TPCN2: variants seen among roughly 807,000 people sequenced by gnomAD.
The protein encoded by TPCN2 is two pore channel protein 2.
A neutral mutation model predicts 111.4 loss-of-function variants in TPCN2; 92 were observed. The ratio of observed to expected loss-of-function variants is 0.83; its 90% CI spans 0.70 to 0.98. TPCN2 has a LOEUF of 0.98. Among genes scored for constraint, TPCN2 ranks in the 50% least tolerant of loss-of-function variants. The probability of loss-of-function intolerance (pLI) is 0.00; values close to 1 mark genes in which losing one functional copy is unlikely to be tolerated. For missense variants in TPCN2, 995 were observed against 980.1 expected (o/e 1.02, Z -0.20); for synonymous variants, 405 against 414.5 (o/e 0.98, Z 0.28).
chr11:69,076,585 TCCACCTGC>T (rs1855763351), intron 13 of TPCN2, among the ~76,000 whole-genome samples: 4 of 139,950 alleles, frequency 2.9e-5, no homozygotes, highest in Admixed American at 2.8e-4. Context: ...GCTCTGTCCC[TCCACCTGC>T]CCTCCTGCCG....
At chr11:69,079,962 G>A (rs1487918144) in intron 17 of TPCN2, 79 bp downstream of exon 17, 12 of 1,394,330 alleles carry the variant, frequency 8.6e-6, no homozygotes, top group African/African-American at 1.4e-5. Flanking sequence ...TCTCAGTGGT[G>A]TCCAGGGGGC....
rs1470892 is a variant in TPCN2 at position 69,055,271 on chromosome 11, T to C, written c.348T>C (p.Ala116=). Residue 116 remains alanine (A), a synonymous_variant, in exon 4 of 25, where the codon GCT becomes GCC. Coordinates refer to ENST00000294309, the MANE Select transcript of TPCN2 (RefSeq NM_139075.4). ...CGGCGGACGTGCGCTACCGCGCTGCTCCCTGGGAGCCGCCCTGCGGCCTGA... is the reference window on the plus strand; with the variant it reads ...CGGCGGACGTGCGCTACCGCGCTGCCCCCTGGGAGCCGCCCTGCGGCCTGA... ...TSTADVRYRA[A]PWEPPCGLTE... is the part of the protein sequence containing the mutation. The C allele has an allele frequency of 1, 1,613,625 of 1,614,162 alleles. 806,547 individuals are homozygous for C. The highest frequency in any genetic ancestry group is 1 in the Middle Eastern group (6,062 of 6,062).
At chr11:69,049,978 G>A (rs942988881) in intron 1 of TPCN2, among the ~76,000 whole-genome samples, 4 of 152,220 alleles carry the variant, frequency 2.6e-5, no homozygotes, top group Non-Finnish European at 5.9e-5. Context: ...ACCACTCTGA[G>A]AATTCACACC....
At chr11:69,063,344 T>G (rs897243296) in intron 6 of TPCN2, among the ~76,000 whole-genome samples, 4 of 151,984 alleles carry the variant, frequency 2.6e-5, no homozygotes, top group African/African-American at 9.7e-5. Context: ...ACTCATGGTG[T>G]CGGCACGCTG....
rs1409087729 is a variant in TPCN2 at position 69,057,837 on chromosome 11, TC to T, written c.546+145del. Reference sequence around the variant, plus strand: ...AGCACTGCCCACCTCCCATGGCACTTCCTTCACTTGTTGGCTGGGGATCCTT... The same window carrying T: ...AGCACTGCCCACCTCCCATGGCACTTCTTCACTTGTTGGCTGGGGATCCTT... On this transcript the variant is annotated intron_variant, in intron 5 of 24. Transcript: ENST00000294309. The T allele has an allele frequency of 8.5e-6, 6 of 705,442 alleles. No individual in the cohort carries two copies. In the Middle Eastern group the frequency reaches 9.7e-4, roughly 114 times the overall value. The allele number at this position is 705,442 out of a possible 1,614,324, so 43.7% of individuals were successfully genotyped here. A position where few individuals can be genotyped will look rare whatever the true frequency, so the allele number is the denominator to read the frequency against.
In TPCN2 at chr11:69,078,514, T is replaced by G. The variant is rs1353296977; in HGVS notation, c.1263T>G (p.Phe421Leu). 1.2e-6 allele frequency: 2 copies of G among 1,614,156 alleles called. No homozygotes were observed. The highest frequency in any genetic ancestry group is 1.7e-6 in the Non-Finnish European group (2 of 1,180,026). Residue 421 changes from phenylalanine to leucine, a missense_variant, in exon 14 of 25, where the codon TTT becomes TTG. Phe to Leu is a conservative substitution (Grantham distance 22). Transcript: ENST00000294309. ...CGAGGCCCGAGTACCAGTCTCCGTT[T>G]CTGCAGAGCGCCCAGTTCCTCTTCG... ...HPPRPEYQSP[F>L]LQSAQFLFGH...
intron 20 of TPCN2, 47 bp from the exon 21 acceptor site, chr11:69,085,624 A>T: frequency 7.7e-7 from 1 of 1,300,194 alleles, no homozygotes; most frequent in Non-Finnish European, 1.1e-6. Context: ...ATCAGGCCTC[A>T]GAACCTGGAG....
intron 24 of TPCN2, 118 bp from the exon 25 acceptor site, chr11:69,087,757 G>C (rs1856342263): frequency 1.4e-6 from 1 of 714,874 alleles, no homozygotes; most frequent in Non-Finnish European, 2.4e-6. Flanking sequence ...CCGTGTCTCT[G>C]TGTCCCTGTG....
chr11:69,060,297 G>GT (rs1462148287), intron 5 of TPCN2, among the ~76,000 whole-genome samples: 2 of 152,240 alleles, frequency 1.3e-5, no homozygotes, highest in African/African-American at 4.8e-5. Flanking sequence ...ATGTGCGTGT[G>GT]TGTGTTTCCG....
chr11:69,067,717 G>T, intron 8 of TPCN2, 112 bp downstream of exon 8: 1 of 768,750 alleles, frequency 1.3e-6, no homozygotes, highest in South Asian at 1.7e-5. Flanking sequence ...CCTTTTTTTC[G>T]ATAAGTGGAG....
chr11:69,075,481 C>T (rs549302875), intron 13 of TPCN2, among the ~76,000 whole-genome samples: 1 of 152,308 alleles, frequency 6.6e-6, no homozygotes, highest in South Asian at 2.1e-4. Flanking sequence ...ATGCTCCGTA[C>T]AGATGCTTTT....
At chr11:69,073,425 A>G (rs996596393) in intron 13 of TPCN2, among the ~76,000 whole-genome samples, 1 of 152,180 alleles carries the variant, frequency 6.6e-6, no homozygotes, top group Non-Finnish European at 1.5e-5. Context: ...GTGGGTGGAG[A>G]CAGTGGGAAA....
chr11:69,050,030 T>A (rs879508429), intron 1 of TPCN2, among the ~76,000 whole-genome samples: 3 of 152,188 alleles, frequency 2.0e-5, no homozygotes, highest in Non-Finnish European at 4.4e-5. Context: ...TCTTTCCTCC[T>A]CTGTCTGGAA....
Position 69,078,785 on chromosome 11 carries a change from A to G in TPCN2, c.1402A>G (p.Ile468Val). Residue 468 changes from isoleucine to valine, a missense_variant, in exon 15 of 25, where the codon ATC (isoleucine) becomes GTC (valine). Ile to Val is a conservative substitution (Grantham distance 29). Coordinates refer to ENST00000294309, the MANE Select transcript of TPCN2 (RefSeq NM_139075.4). ...DVLPAERDDF[I>V]LGILNCVFIV... ...GCTGCCTGCTGAGCGTGATGACTTC[A>G]TCCTGGGGGTAAGTTCTGAGCTGTC... 6.2e-7 allele frequency: 1 copy of G among 1,614,052 alleles called. No individual in the cohort carries two copies. The highest frequency in any genetic ancestry group is 8.5e-7 in the Non-Finnish European group (1 of 1,180,030).
chr11:69,055,126 C>T (rs1467200094), intron 3 of TPCN2, 49 bp from the exon 4 acceptor site: 1 of 1,591,928 alleles, frequency 6.3e-7, no homozygotes, highest in Non-Finnish European at 8.6e-7. Flanking sequence ...GCCTCTGGGC[C>T]CTGAGGGCTG....
chr11:69,079,885 T>C lies in TPCN2; in HGVS notation c.1589+2T>C. ...GTACCGATTGCCACACCCAGGCTGGTATGTGACTGGGCAGAACCGAGGGCG... is the reference window on the plus strand; with the variant it reads ...GTACCGATTGCCACACCCAGGCTGGCATGTGACTGGGCAGAACCGAGGGCG... On this transcript the variant is annotated splice_donor_variant, in intron 17 of 24. Coordinates refer to ENST00000294309, the MANE Select transcript of TPCN2 (RefSeq NM_139075.4). LOFTEE classifies it high-confidence loss of function. The C allele has an allele frequency of 6.2e-7, 1 of 1,613,692 alleles. No homozygotes were observed. The highest frequency in any genetic ancestry group is 1.3e-5 in the African/African-American group (1 of 75,070).
Position 69,071,977 on chromosome 11 carries a change from G to C in TPCN2, c.1015G>C (p.Glu339Gln). 1 of 1,614,076 alleles carries C rather than the reference G, an allele frequency of 6.2e-7. No homozygotes were observed. Among genetic ancestry groups the C allele is most frequent in the African/African-American group, 1.3e-5 (1 of 75,068 alleles). ...GCGGCTGGGAACCCGGGCTGCCTTT[G>C]AAGTCCTATCCTCCATGGTGGGGGA... ...RRRLGTRAAF[E>Q]VLSSMVGEGG... Residue 339 changes from glutamate to glutamine, a missense_variant, in exon 11 of 25, where the codon GAA becomes CAA. Physicochemically the swap from Glu to Gln is conservative, Grantham distance 29. Transcript: ENST00000294309.
chr11:69,087,042 G>T, intron 23 of TPCN2, 70 bp from the exon 24 acceptor site: 1 of 1,384,396 alleles, frequency 7.2e-7, no homozygotes, highest in East Asian at 2.4e-5. Context: ...GACCCTGGAG[G>T]GGCCGGGGAT....
intron 7 of TPCN2, among the ~76,000 whole-genome samples, chr11:69,066,961 C>T (rs188615857): frequency 4.7e-4 from 72 of 152,330 alleles, no homozygotes; most frequent in African/African-American, 1.4e-3. Context: ...ATAGGGACTC[C>T]GGTGTGGATG....
Sources: allele counts gnomAD v4.1 joint callset (sites outside exome capture counted in the v4.1 genomes callset), GRCh38; gene constraint gnomAD v4.1.1; transcripts MANE v1.5; gene names NCBI Gene and HGNC (gene_info 2026-07-23, HGNC 2026-07-21).